Variants in SCYL3 observed in about 807,000 individuals in gnomAD.
SCYL3 encodes the protein SCY1 like pseudokinase 3.
In SCYL3, 35 loss-of-function variants were observed where a neutral mutation model predicts 73.8. The observed-to-expected ratio is 0.47, with a 90% CI of 0.36 to 0.63. The LOEUF (loss-of-function observed/expected upper bound fraction) is 0.63. Among genes scored for constraint, SCYL3 ranks in the 20% least tolerant of loss-of-function variants. The pLI is 0.00. For missense variants in SCYL3, 712 were observed against 798.9 expected, an observed-to-expected ratio of 0.89 and a Z score of 1.31; for synonymous variants, 277 against 295.2, an observed-to-expected ratio of 0.94 and a Z score of 0.63.
At chr1:169,877,360 G>A (rs1262740318) in intron 3 of SCYL3, among the ~76,000 whole-genome samples, 2 of 152,046 alleles carry the variant, frequency 1.3e-5, no homozygotes, top group Admixed American at 6.5e-5. Context: ...GTCTTGCCAT[G>A]TTGCCCAGGC....
chr1:169,876,933 C>G (rs372541636), intron 3 of SCYL3, among the ~76,000 whole-genome samples: 1 of 114,074 alleles, frequency 8.8e-6, no homozygotes, highest in South Asian at 3.0e-4. Flanking sequence ...CCAGCCTAGG[C>G]GACAGAGTGA....
intron 2 of SCYL3, among the ~76,000 whole-genome samples, chr1:169,886,959 C>T (rs988144395): frequency 2.0e-5 from 3 of 152,118 alleles, no homozygotes; most frequent in Non-Finnish European, 2.9e-5. Context: ...TGACCAACAA[C>T]CCAAACTCTA....
rs547596357 is a variant in SCYL3, at chr1:169,856,799, T to C, written c.1313-1835A>G. Among the ~76,000 whole-genome samples, 3 of 152,348 alleles carry C rather than the reference T, an allele frequency of 2.0e-5. No individual in the cohort carries two copies. The South Asian group carries it at 6.2e-4, about 32-fold the overall frequency. ...CTCTACATCACCCTTTTCAAGCTCT[T>C]TGCAGCCATGACGCTGGTTTCATTA... On this transcript the variant is annotated intron_variant, in intron 11 of 12. Transcript: ENST00000367771.
At chr1:169,884,837 A>G (rs890917482) in intron 2 of SCYL3, among the ~76,000 whole-genome samples, 2 of 152,248 alleles carry the variant, frequency 1.3e-5, no homozygotes, top group African/African-American at 4.8e-5. Context: ...TTAACTTAGC[A>G]AGAACCTTAT....
chr1:169,866,938 C>G lies in SCYL3; in HGVS notation c.773G>C (p.Ser258Thr), dbSNP rs759866604. ...DFLEVVNFLK[S>T]LTLKSEEEKT... ...CTCCTCTTCACTCTTCAATGTTAAA[C>G]TTTTCAAGAAATTCACAACTTCCAG... Residue 258 changes from serine to threonine, a missense_variant, in exon 8 of 13, where the codon AGT becomes ACT. By Grantham distance (58) the Ser-to-Thr change is moderately conservative (BLOSUM62 1). Transcript: ENST00000367771. 1 of 1,590,792 alleles carries G rather than the reference C, an allele frequency of 6.3e-7. No individual in the cohort carries two copies. Among genetic ancestry groups the G allele is most frequent in the Non-Finnish European group, 8.6e-7 (1 of 1,165,896 alleles).
chr1:169,887,842 C>A (rs926940826), intron 2 of SCYL3, among the ~76,000 whole-genome samples: 1 of 152,024 alleles, frequency 6.6e-6, no homozygotes, highest in African/African-American at 2.4e-5. Context: ...CCTTTATAAT[C>A]ATTTTAAAAA....
intron 11 of SCYL3, 103 bp from the exon 12 acceptor site, chr1:169,855,067 C>T (rs767366292): frequency 2.3e-5 from 18 of 792,062 alleles, no homozygotes; most frequent in Non-Finnish European, 3.1e-5. Context: ...GGTCTAATTA[C>T]TTGGAAATAT....
intron 1 of SCYL3, among the ~76,000 whole-genome samples, chr1:169,891,008 G>T (rs1222655095): frequency 6.6e-6 from 1 of 152,204 alleles, no homozygotes; most frequent in Non-Finnish European, 1.5e-5. Context: ...CACAGTTAAT[G>T]TTGGCAGGTA....
In SCYL3 at chr1:169,856,586, C is replaced by T. The variant is rs79026127; in HGVS notation, c.1313-1622G>A. On this transcript the variant is annotated intron_variant, in intron 11 of 12. Coordinates refer to ENST00000367771, the MANE Select transcript of SCYL3 (RefSeq NM_020423.7). ...CCCAGCTCTCTTCAGCACCACATCTCCCCCCTCCTCACCCCAGCACTCAGG... is the reference window on the plus strand; with the variant it reads ...CCCAGCTCTCTTCAGCACCACATCTTCCCCCTCCTCACCCCAGCACTCAGG... Among the ~76,000 whole-genome samples, 1,333 of 152,192 alleles carry T rather than the reference C, an allele frequency of 8.8e-3. 23 individuals carry two copies. Among genetic ancestry groups the T allele is most frequent in the African/African-American group, 0.03 (1,264 of 41,514 alleles).
At chr1:169,882,803 G>A (rs1661387724) in intron 2 of SCYL3, among the ~76,000 whole-genome samples, 1 of 152,106 alleles carries the variant, frequency 6.6e-6, no homozygotes, top group African/African-American at 2.4e-5. Context: ...TGGGGAGGTG[G>A]AGAACCTTTG....
At position 169,889,559 on chromosome 1, in the gene SCYL3, C is replaced by T. The variant is rs181944632; in HGVS notation, c.-50-669G>A. ...GCTATCCTAAGTAAAAAGGGGAAAC[C>T]GCAAAACTGAATCTCAAATAATCTC... On this transcript the variant is annotated intron_variant, in intron 1 of 12. Transcript: ENST00000367771. 2.0e-4 allele frequency among the ~76,000 whole-genome samples: 30 copies of T among 152,004 alleles called. No homozygotes were observed. In the East Asian group the frequency reaches 4.6e-3, roughly 24 times the overall value.
chr1:169,874,171 C>T (rs1384008832), intron 4 of SCYL3, among the ~76,000 whole-genome samples: 3 of 152,110 alleles, frequency 2.0e-5, no homozygotes, highest in East Asian at 1.9e-4. Flanking sequence ...TGCTACCACA[C>T]GAGATTAGAA....
At chr1:169,856,949 G>A (rs866663682) in intron 11 of SCYL3, among the ~76,000 whole-genome samples, 1 of 152,258 alleles carries the variant, frequency 6.6e-6, no homozygotes, top group Middle Eastern at 3.4e-3. Context: ...ATGTCTCCAT[G>A]TTACCAACTA....
chr1:169,866,796 A>G, intron 8 of SCYL3, 100 bp downstream of exon 8: 1 of 719,758 alleles, frequency 1.4e-6, no homozygotes, highest in Non-Finnish European at 2.4e-6. Flanking sequence ...TAAATGTGAA[A>G]TAAACCAAAT....
intron 2 of SCYL3, among the ~76,000 whole-genome samples, chr1:169,886,180 G>A (rs948722721): frequency 2.6e-5 from 4 of 152,052 alleles, no homozygotes; most frequent in African/African-American, 4.8e-5. Context: ...GTGTGTCGGC[G>A]CGTGCCTGTA....
chr1:169,871,266 G>T (rs1329368970), intron 5 of SCYL3, among the ~76,000 whole-genome samples: 1 of 152,198 alleles, frequency 6.6e-6, no homozygotes, highest in Non-Finnish European at 1.5e-5. Context: ...AGAACCAGTG[G>T]CAGGTGACTG....
chr1:169,873,146 A>C (rs1301963575), intron 5 of SCYL3, among the ~76,000 whole-genome samples: 1 of 152,078 alleles, frequency 6.6e-6, no homozygotes, highest in Non-Finnish European at 1.5e-5. Context: ...CATGGGCAGG[A>C]ATTCAGTGGG....
intron 6 of SCYL3, chr1:169,869,243 A>C (rs1439853983): frequency 1.8e-6 from 1 of 541,614 alleles, no homozygotes; most frequent in South Asian, 2.1e-5. Context: ...ATCAAACCCC[A>C]CCCCAGGTGC....
At chr1:169,891,943 CT>C (rs1662116004) in intron 1 of SCYL3, among the ~76,000 whole-genome samples, 1 of 152,158 alleles carries the variant, frequency 6.6e-6, no homozygotes, top group African/African-American at 2.4e-5. Context: ...ATTTTTCTTA[CT>C]GTATTTTAGG....
Sources: allele counts gnomAD v4.1 joint callset (sites outside exome capture counted in the v4.1 genomes callset), GRCh38; gene constraint gnomAD v4.1.1; transcripts MANE v1.5; gene names NCBI Gene and HGNC (gene_info 2026-07-23, HGNC 2026-07-21).